The following KCNIP4 variants were observed in gnomAD, a reference collection of about 807,000 sequenced individuals.
KCNIP4 encodes the protein potassium voltage-gated channel interacting protein 4.
In KCNIP4, 12 loss-of-function variants were observed where a neutral mutation model predicts 34.0. That is an observed-to-expected ratio of 0.35 (90% CI 0.23 to 0.57). KCNIP4 has a LOEUF of 0.57. Among genes scored for constraint, KCNIP4 ranks in the 20% least tolerant of loss-of-function variants. The pLI, the probability that KCNIP4 is intolerant of heterozygous loss-of-function variation, is 0.83. For synonymous variants in KCNIP4, 124 were observed against 102.2 expected, an observed-to-expected ratio of 1.21 and a Z score of -1.29; for missense variants, 238 against 311.7, an observed-to-expected ratio of 0.76 and a Z score of 1.78.
At chr4:21,128,012 C>T (rs1750758279) in intron 1 of KCNIP4, among the ~76,000 whole-genome samples, 1 of 152,204 alleles carries the variant, frequency 6.6e-6, no homozygotes, top group Non-Finnish European at 1.5e-5. Context: ...ATCACATTTG[C>T]CTTGCATAAT....
chr4:21,301,817 G>C (rs1292663731), intron 1 of KCNIP4, among the ~76,000 whole-genome samples: 1 of 152,198 alleles, frequency 6.6e-6, no homozygotes, highest in Non-Finnish European at 1.5e-5. Flanking sequence ...AGCTAGCAAA[G>C]TATTTAGTCA....
chr4:21,519,453 TACAC>T (rs763019541), intron 1 of KCNIP4, among the ~76,000 whole-genome samples: 2 of 98,268 alleles, frequency 2.0e-5, no homozygotes, highest in South Asian at 2.7e-4. Context: ...TATGTGTATA[TACAC>T]ATATGTGTGT....
chr4:21,589,439 C>A (rs972205694), intron 1 of KCNIP4, among the ~76,000 whole-genome samples: 2 of 148,484 alleles, frequency 1.3e-5, no homozygotes, highest in African/African-American at 5.0e-5. Flanking sequence ...CTAAGCTGAG[C>A]CTTAAAGGGC....
At chr4:21,744,139 T>C (rs1404690890) in intron 1 of KCNIP4, among the ~76,000 whole-genome samples, 1 of 152,190 alleles carries the variant, frequency 6.6e-6, no homozygotes, top group East Asian at 1.9e-4. Flanking sequence ...TGCAGACCTA[T>C]TAATATTGAA....
At chr4:21,069,400 A>G (rs1744695825) in intron 1 of KCNIP4, among the ~76,000 whole-genome samples, 1 of 152,182 alleles carries the variant, frequency 6.6e-6, no homozygotes, top group African/African-American at 2.4e-5. Flanking sequence ...TATTGATTAA[A>G]TGTCACCTTG....
intron 1 of KCNIP4, among the ~76,000 whole-genome samples, chr4:21,414,014 G>T (rs1419445555): frequency 6.6e-6 from 1 of 152,080 alleles, no homozygotes; most frequent in East Asian, 1.9e-4. Context: ...GCGCCTACCT[G>T]TGTCAGTCAG....
At chr4:21,895,477 T>C (rs953665264) in intron 1 of KCNIP4, among the ~76,000 whole-genome samples, 1 of 152,172 alleles carries the variant, frequency 6.6e-6, no homozygotes, top group African/African-American at 2.4e-5. Context: ...CTACCACTTA[T>C]TAGCTGTGTA....
chr4:21,562,221 T>TAA (rs1163497869), intron 1 of KCNIP4, among the ~76,000 whole-genome samples: 2 of 119,108 alleles, frequency 1.7e-5, no homozygotes, highest in African/African-American at 3.0e-5. Context: ...AAGGTTTAAT[T>TAA]TAAAAAAAAA....
intron 1 of KCNIP4, among the ~76,000 whole-genome samples, chr4:21,569,988 CT>C (rs1740239706): frequency 3.3e-5 from 5 of 151,950 alleles, no homozygotes; most frequent in African/African-American, 1.2e-4. Flanking sequence ...ACTCCCCCCA[CT>C]CAGGTAAAGT....
rs139686472 is a variant in KCNIP4, at chr4:20,805,463, A to T, written c.288+45080T>A. On this transcript the variant is annotated intron_variant, in intron 3 of 8. Transcript: ENST00000382152. ...ACTTGTCATCTGTTATCTCTTCACC[A>T]GATATTTTTCTGTCTTTTTTTCTTA... Among the ~76,000 whole-genome samples the T allele has an allele frequency of 4.2e-3, 642 of 152,014 alleles. 4 individuals carry two copies. Among genetic ancestry groups the T allele is most frequent in the African/African-American group, 0.015 (602 of 41,472 alleles).
At chr4:21,578,483 G>A (rs1298138343) in intron 1 of KCNIP4, among the ~76,000 whole-genome samples, 1 of 151,930 alleles carries the variant, frequency 6.6e-6, no homozygotes, top group African/African-American at 2.4e-5. Context: ...CAAAACATGG[G>A]CATTAACAAA....
intron 1 of KCNIP4, among the ~76,000 whole-genome samples, chr4:21,504,651 T>G (rs145443085): frequency 6.6e-6 from 1 of 152,062 alleles, no homozygotes; most frequent in African/African-American, 2.4e-5. Flanking sequence ...GTTATCCAGT[T>G]TGAGGAAACA....
intron 1 of KCNIP4, among the ~76,000 whole-genome samples, chr4:21,756,411 G>T (rs1221272083): frequency 2.6e-5 from 4 of 151,922 alleles, no homozygotes; most frequent in African/African-American, 9.7e-5. Flanking sequence ...AAAATTATCC[G>T]GGTATGGTGG....
chr4:21,293,563 G>A (rs1763667027), intron 1 of KCNIP4, among the ~76,000 whole-genome samples: 1 of 152,190 alleles, frequency 6.6e-6, no homozygotes, highest in South Asian at 2.1e-4. Flanking sequence ...GAGATAGGCA[G>A]AGAGACAGGG....
At chr4:20,962,346 A>T (rs951983970) in intron 1 of KCNIP4, among the ~76,000 whole-genome samples, 9 of 152,188 alleles carry the variant, frequency 5.9e-5, no homozygotes, top group Non-Finnish European at 1.2e-4. Context: ...CTAATTGTGG[A>T]CCTAACCTGC....
In KCNIP4 at chr4:20,991,673, A is replaced by G. The variant is rs559347124; in HGVS notation, c.62-108964T>C. On this transcript the variant is annotated intron_variant, in intron 1 of 8. Transcript: ENST00000382152. The stretch of plus-strand genomic sequence containing the variant: ...TGGTCCACCAGTCTATGCGTCTCTT[A>G]TAACTAGAAATACAGAATATCTCAT... Among the ~76,000 whole-genome samples the G allele has an allele frequency of 2.0e-5, 3 of 152,326 alleles. No homozygotes were observed. In the South Asian group the frequency reaches 6.2e-4, roughly 32 times the overall value.
chr4:20,872,488 C>G (rs1183364176), intron 2 of KCNIP4, among the ~76,000 whole-genome samples: 1 of 152,084 alleles, frequency 6.6e-6, no homozygotes, highest in African/African-American at 2.4e-5. Context: ...AAAAACAATG[C>G]TCTGTATTTT....
chr4:21,312,248 T>C (rs1189382059), intron 1 of KCNIP4, among the ~76,000 whole-genome samples: 1 of 152,170 alleles, frequency 6.6e-6, no homozygotes, highest in Non-Finnish European at 1.5e-5. Context: ...AACAGAGAAC[T>C]AAGCTGTTAT....
At chr4:21,715,938 A>G (rs1714340886) in intron 1 of KCNIP4, among the ~76,000 whole-genome samples, 1 of 152,208 alleles carries the variant, frequency 6.6e-6, no homozygotes, top group Non-Finnish European at 1.5e-5. Context: ...TTATTAGGGA[A>G]GGAACTGTAA....
Sources: allele counts gnomAD v4.1 joint callset (sites outside exome capture counted in the v4.1 genomes callset), GRCh38; gene constraint gnomAD v4.1.1; transcripts MANE v1.5; gene names NCBI Gene and HGNC (gene_info 2026-07-23, HGNC 2026-07-21).